Variants in DNMBP observed in about 807,000 individuals in gnomAD.
DNMBP encodes dynamin binding protein.
A neutral mutation model predicts 150.0 loss-of-function variants in DNMBP; 87 were observed. The ratio of observed to expected loss-of-function variants is 0.58; its 90% CI spans 0.49 to 0.69. The LOEUF is 0.69. Ranked by LOEUF, DNMBP falls within the 30% of genes least tolerant of loss-of-function variation. DNMBP has a pLI of 0.00. For synonymous variants in DNMBP, 711 were observed against 750.4 expected (o/e 0.95, Z 0.86); for missense variants, 1,774 against 1,949.0 (o/e 0.91, Z 1.69).
chr10:99,978,435 G>A (rs1205925416), intron 1 of DNMBP, among the ~76,000 whole-genome samples: 2 of 151,558 alleles, frequency 1.3e-5, no homozygotes, highest in African/African-American at 2.4e-5. Flanking sequence ...CCCTTTATTC[G>A]TTTATCAATT....
At position 99,908,023 on chromosome 10, in the gene DNMBP, C is replaced by CA; in HGVS notation, c.2525dup (p.Leu842PhefsTer20). The CA allele has an allele frequency of 6.2e-7, 1 of 1,613,912 alleles. No homozygotes were observed. The highest frequency in any genetic ancestry group is 8.5e-7 in the Non-Finnish European group (1 of 1,179,906). On this transcript the variant is annotated frameshift_variant, in exon 6 of 17. Transcript: ENST00000324109. LOFTEE classifies it high-confidence loss of function. ...CAGCATCGCTGATTTCCAGAGCAGC[C>CA]AATAATTGCTTCGAGACCTTAATCA...
chr10:99,986,531 C>T lies in DNMBP; in HGVS notation c.-10-14397G>A, dbSNP rs368877697. ...GTACAAAGCCCCAGATATAAAACTG[C>T]AAGGCGTGAGCTGAGATCGTGCCAC... On this transcript the variant is annotated intron_variant, in intron 1 of 16. Coordinates refer to ENST00000324109, the MANE Select transcript of DNMBP (RefSeq NM_015221.4). Among the ~76,000 whole-genome samples the T allele has an allele frequency of 1.9e-4, 26 of 137,778 alleles. 1 individual carries two copies. The East Asian group carries it at 5.3e-3, about 28-fold the overall frequency. The allele number at this position is 137,778 out of a possible 152,430, so 90.4% of individuals were successfully genotyped here.
intron 3 of DNMBP, among the ~76,000 whole-genome samples, chr10:99,959,829 C>A (rs980657891): frequency 6.7e-6 from 1 of 148,276 alleles, no homozygotes; most frequent in South Asian, 2.1e-4. Flanking sequence ...CACTCCGGCC[C>A]GGGCAACAGA....
At chr10:99,952,504 C>T (rs999576822) in intron 4 of DNMBP, among the ~76,000 whole-genome samples, 1 of 152,190 alleles carries the variant, frequency 6.6e-6, no homozygotes, top group Non-Finnish European at 1.5e-5. Context: ...TAAGCATCTA[C>T]TTCATGCTGT....
chr10:99,922,458 A>G (rs987489433), intron 4 of DNMBP, among the ~76,000 whole-genome samples: 2 of 149,290 alleles, frequency 1.3e-5, no homozygotes, highest in South Asian at 4.2e-4. Flanking sequence ...TAAAAATAAC[A>G]TAGGTAATGG....
intron 7 of DNMBP, 90 bp from the exon 8 acceptor site, chr10:99,898,850 G>A: frequency 2.4e-6 from 3 of 1,261,392 alleles, no homozygotes; most frequent in Non-Finnish European, 3.4e-6. Flanking sequence ...TAAATCATGT[G>A]GGACAAAAAA....
In DNMBP at chr10:99,941,669, T is replaced by C. The variant is rs527303320; in HGVS notation, c.2260+13545A>G. On this transcript the variant is annotated intron_variant, in intron 4 of 16. Coordinates refer to ENST00000324109, the MANE Select transcript of DNMBP (RefSeq NM_015221.4). ...TTTTAGTAGAGACGGGGTTTCTCCA[T>C]GTTGGTCAGGCTGGTCTTGAACTCC... Among the ~76,000 whole-genome samples, 132 of 152,130 alleles carry C rather than the reference T, an allele frequency of 8.7e-4. 1 individual carries two copies. Among genetic ancestry groups the C allele is most frequent in the Non-Finnish European group, 1.4e-3 (97 of 68,010 alleles).
intron 4 of DNMBP, among the ~76,000 whole-genome samples, chr10:99,926,654 G>C (rs1425649627): frequency 6.6e-6 from 1 of 152,178 alleles, no homozygotes; most frequent in Non-Finnish European, 1.5e-5. Flanking sequence ...GGGCTCTGAA[G>C]ACATTAGCTA....
chr10:99,960,926 A>G (rs1411501307), intron 3 of DNMBP, among the ~76,000 whole-genome samples: 2 of 151,862 alleles, frequency 1.3e-5, no homozygotes, highest in Non-Finnish European at 2.9e-5. Context: ...ACAGTGAACT[A>G]TGATCGGACC....
At chr10:99,943,051 G>A (rs140813946) in intron 4 of DNMBP, among the ~76,000 whole-genome samples, 10 of 148,228 alleles carry the variant, frequency 6.7e-5, no homozygotes, top group African/African-American at 2.3e-4. Context: ...GGGAGGCTGA[G>A]GGGGGGGCGG....
intron 16 of DNMBP, among the ~76,000 whole-genome samples, chr10:99,878,516 AAG>A: frequency 6.6e-6 from 1 of 152,346 alleles, no homozygotes; most frequent in Non-Finnish European, 1.5e-5. Context: ...AGTAGGTAGT[AAG>A]AGAAATCACC....
chr10:100,009,053 A>T (rs761202756), intron 1 of DNMBP, among the ~76,000 whole-genome samples: 10 of 152,258 alleles, frequency 6.6e-5, no homozygotes, highest in Non-Finnish European at 1.0e-4. Context: ...CCTAAAGGCA[A>T]GTTACCCATA....
At position 99,961,069 on chromosome 10, in the gene DNMBP, C is replaced by T. The variant is rs573560617; in HGVS notation, c.269-3864G>A. ...GTTACAGTTCCTTAATGGTAGGTAC[C>T]ACCTTCTCTTTGGTATCTCAAGAGT... On this transcript the variant is annotated intron_variant, in intron 3 of 16. Coordinates refer to ENST00000324109, the MANE Select transcript of DNMBP (RefSeq NM_015221.4). 9.4e-4 allele frequency among the ~76,000 whole-genome samples: 143 copies of T among 151,460 alleles called. 1 individual carries two copies. The highest frequency in any genetic ancestry group is 3.3e-3 in the African/African-American group (135 of 41,318).
rs1379359937 is a variant in DNMBP at position 99,990,645 on chromosome 10, GTATAAGTGTATATATATA to G, written c.-10-18529_-10-18512del. On this transcript the variant is annotated intron_variant, in intron 1 of 16. Coordinates refer to ENST00000324109, the MANE Select transcript of DNMBP (RefSeq NM_015221.4). ...AAAAAGGACAAGAAAGACAGTGTGT[GTATAAGTGTATATATATA>G]CACACATATACATATATACACACAT... Among the ~76,000 whole-genome samples the G allele has an allele frequency of 2.0e-5, 3 of 148,974 alleles. No individual in the cohort carries two copies. The East Asian group carries it at 5.8e-4, about 29-fold the overall frequency.
intron 2 of DNMBP, 146 bp downstream of exon 2, chr10:99,971,834 A>C: frequency 1.2e-6 from 1 of 861,250 alleles, no homozygotes; most frequent in Non-Finnish European, 1.7e-6. Flanking sequence ...AGCTAGGAAT[A>C]ATTTTCTTTC....
chr10:99,995,862 G>A (rs550168208), intron 1 of DNMBP, among the ~76,000 whole-genome samples: 15 of 152,384 alleles, frequency 9.8e-5, no homozygotes, highest in African/African-American at 3.6e-4. Context: ...GGACAGTGGA[G>A]TCACCCAGGT....
Position 99,992,646 on chromosome 10 carries a change from C to T in DNMBP, c.-11+17192G>A, listed in dbSNP as rs529365866. Among the ~76,000 whole-genome samples the T allele has an allele frequency of 1.4e-4, 21 of 151,550 alleles. No individual in the cohort carries two copies. In the East Asian group the frequency reaches 3.7e-3, roughly 27 times the overall value. ...GGTTCACGCCATTCTCCTGCCTTAG[C>T]CTCCCGAGTAGCTGGGACTATAGGC... On this transcript the variant is annotated intron_variant, in intron 1 of 16. Coordinates refer to ENST00000324109, the MANE Select transcript of DNMBP (RefSeq NM_015221.4).
At chr10:99,987,091 C>T (rs1165908267) in intron 1 of DNMBP, among the ~76,000 whole-genome samples, 3 of 149,410 alleles carry the variant, frequency 2.0e-5, no homozygotes, top group Non-Finnish European at 4.4e-5. Flanking sequence ...GGAGGTGGAG[C>T]TTTCAGTGAG....
chr10:99,890,942 C>T (rs931528665), intron 11 of DNMBP, among the ~76,000 whole-genome samples: 13 of 152,072 alleles, frequency 8.5e-5, no homozygotes, highest in East Asian at 3.9e-4. Flanking sequence ...CAACTGTGCC[C>T]GGCCCTAGTT....
Sources: gnomAD v4.1 joint callset for allele counts (sites outside exome capture counted in the v4.1 genomes callset) on GRCh38, gnomAD v4.1.1 for gene constraint, MANE v1.5 for transcripts, NCBI Gene and HGNC (gene_info 2026-07-23, HGNC 2026-07-21) for gene names.